Variants in TMEM108 observed in about 807,000 individuals in gnomAD.
The protein encoded by TMEM108 is transmembrane protein 108, also known as cancer/testis antigen 124.
TMEM108 carries 12 observed loss-of-function variants against 35.1 expected under a neutral mutation model. The ratio of observed to expected loss-of-function variants is 0.34; its 90% CI spans 0.22 to 0.55. The LOEUF is 0.55. Among genes scored for constraint, TMEM108 ranks in the 20% least tolerant of loss-of-function variants. The pLI, the probability that TMEM108 is intolerant of heterozygous loss-of-function variation, is 0.89. For missense variants in TMEM108, 680 were observed against 753.3 expected, an observed-to-expected ratio of 0.90 and a Z score of 1.14; for synonymous variants, 287 against 308.6, an observed-to-expected ratio of 0.93 and a Z score of 0.73.
At chr3:133,258,143 G>A (rs1576417035) in intron 3 of TMEM108, among the ~76,000 whole-genome samples, 1 of 152,124 alleles carries the variant, frequency 6.6e-6, no homozygotes, top group East Asian at 1.9e-4. Flanking sequence ...TGGGATTAAT[G>A]CCCTTATAAA....
chr3:133,107,455 G>GGCGTGT (rs1164775004), intron 2 of TMEM108, among the ~76,000 whole-genome samples: 1 of 143,502 alleles, frequency 7.0e-6, no homozygotes, highest in African/African-American at 2.6e-5. Flanking sequence ...AAGTGTATGT[G>GGCGTGT]GTGTGTGTGT....
At chr3:133,074,711 A>G (rs1576304894) in intron 2 of TMEM108, among the ~76,000 whole-genome samples, 1 of 151,582 alleles carries the variant, frequency 6.6e-6, no homozygotes, top group Non-Finnish European at 1.5e-5. Context: ...CTAGTCTCGA[A>G]CTCCTGACCT....
At chr3:133,389,390 C>G in intron 4 of TMEM108, 2 of 985,470 alleles carry the variant, frequency 2.0e-6, no homozygotes, top group Non-Finnish European at 2.4e-6. Flanking sequence ...CTGGTAAGAG[C>G]ATAGACTGGC....
chr3:133,303,645 A>AACAC (rs140259984), intron 3 of TMEM108, among the ~76,000 whole-genome samples: 20 of 151,274 alleles, frequency 1.3e-4, no homozygotes, highest in African/African-American at 3.4e-4. Flanking sequence ...CCTAGTCATA[A>AACAC]ACACACACAC....
At chr3:133,072,699 G>T (rs1943690692) in intron 2 of TMEM108, among the ~76,000 whole-genome samples, 2 of 152,218 alleles carry the variant, frequency 1.3e-5, no homozygotes, top group South Asian at 4.1e-4. Flanking sequence ...TTTAAAAAAT[G>T]TACAATTCAG....
intron 3 of TMEM108, among the ~76,000 whole-genome samples, chr3:133,265,673 G>A (rs747182202): frequency 2.6e-5 from 4 of 152,126 alleles, no homozygotes; most frequent in African/African-American, 9.7e-5. Context: ...GGGCTTTTGC[G>A]GAAAGCCTGA....
chr3:133,082,375 C>T (rs1437269360), intron 2 of TMEM108, among the ~76,000 whole-genome samples: 3 of 152,198 alleles, frequency 2.0e-5, no homozygotes, highest in African/African-American at 7.2e-5. Flanking sequence ...GAACTCACCC[C>T]AGTTTCTTGA....
At chr3:133,098,560 A>G (rs1944046231) in intron 2 of TMEM108, among the ~76,000 whole-genome samples, 1 of 152,222 alleles carries the variant, frequency 6.6e-6, no homozygotes, top group East Asian at 1.9e-4. Context: ...CTCATCTGAG[A>G]CAAGGCAAGT....
chr3:133,190,833 C>T (rs747368713), intron 2 of TMEM108, among the ~76,000 whole-genome samples: 15 of 152,114 alleles, frequency 9.9e-5, no homozygotes, highest in African/African-American at 2.4e-4. Context: ...TTTTCTTCCT[C>T]GCTCTTATGA....
intron 3 of TMEM108, among the ~76,000 whole-genome samples, chr3:133,276,599 T>G (rs554105176): frequency 6.6e-6 from 1 of 152,342 alleles, no homozygotes; most frequent in Non-Finnish European, 1.5e-5. Context: ...TGGGGGTTTC[T>G]TAATCTCTAT....
At position 133,380,119 on chromosome 3, in the gene TMEM108, G is replaced by A; in HGVS notation, c.408G>A (p.Gln136=). 1 of 1,613,942 alleles carries A rather than the reference G, an allele frequency of 6.2e-7. No homozygotes were observed. The highest frequency in any genetic ancestry group is 8.5e-7 in the Non-Finnish European group (1 of 1,179,978). The part of the protein sequence containing the change: ...SSKPEGRPRG[Q]AAPTILLTKP... ...AGCCAGAGGGCCGCCCTCGAGGGCA[G>A]GCTGCCCCCACCATCCTGCTGACAA... Residue 136 remains glutamine, a synonymous_variant, in exon 4 of 6, where the codon CAG becomes CAA. Transcript: ENST00000321871. The surrounding 1 kb of genome is among the most constrained non-coding windows in gnomAD (Gnocchi z 5.3).
chr3:133,206,094 A>G (rs115580783), intron 2 of TMEM108, among the ~76,000 whole-genome samples: 2,103 of 152,246 alleles, frequency 0.014, 55 homozygotes, highest in African/African-American at 0.048. Flanking sequence ...CAATTCAGCT[A>G]TTGATACTTC....
In TMEM108 at chr3:133,339,670, G is replaced by A. The variant is rs143142610; in HGVS notation, c.41-40082G>A. On this transcript the variant is annotated intron_variant, in intron 3 of 5. Transcript: ENST00000321871. ...ATACATATTCCTTTCCTCAACATAT[G>A]GATCATTCTAAAGAATAGACCATGT... Among the ~76,000 whole-genome samples, 128 of 151,812 alleles carry A rather than the reference G, an allele frequency of 8.4e-4. 1 individual carries two copies. The highest frequency in any genetic ancestry group is 2.9e-3 in the African/African-American group (122 of 41,488).
At chr3:133,394,615 C>T (rs989185059) in intron 5 of TMEM108, among the ~76,000 whole-genome samples, 16 of 152,230 alleles carry the variant, frequency 1.1e-4, no homozygotes, top group Admixed American at 8.5e-4. Context: ...AGCTCAGCCT[C>T]CACAGTTAAA....
At chr3:133,229,405 C>T in intron 3 of TMEM108, 54 bp downstream of exon 3, 1 of 1,572,004 alleles carries the variant, frequency 6.4e-7, no homozygotes, top group Non-Finnish European at 8.7e-7. Context: ...TTATTATTTG[C>T]TGGGTACCCA....
chr3:133,075,443 C>T (rs1943727626), intron 2 of TMEM108, among the ~76,000 whole-genome samples: 1 of 152,032 alleles, frequency 6.6e-6, no homozygotes, highest in Admixed American at 6.5e-5. Flanking sequence ...GATTTTTTGG[C>T]CATTTCTTTG....
At chr3:133,187,420 T>A (rs577503862) in intron 2 of TMEM108, among the ~76,000 whole-genome samples, 1 of 152,248 alleles carries the variant, frequency 6.6e-6, no homozygotes, top group African/African-American at 2.4e-5. Context: ...ACTCTCAGCC[T>A]GAGTCTCCAA....
At chr3:133,178,198 T>C (rs1945268392) in intron 2 of TMEM108, among the ~76,000 whole-genome samples, 1 of 152,184 alleles carries the variant, frequency 6.6e-6, no homozygotes, top group African/African-American at 2.4e-5. Flanking sequence ...TCCATACTCA[T>C]GGATAGGAAG....
chr3:133,339,674 C>A (rs767610567), intron 3 of TMEM108, among the ~76,000 whole-genome samples: 4 of 151,898 alleles, frequency 2.6e-5, no homozygotes, highest in Non-Finnish European at 4.4e-5. Flanking sequence ...ACATATGGAT[C>A]ATTCTAAAGA....
Sources: allele counts gnomAD v4.1 joint callset (sites outside exome capture counted in the v4.1 genomes callset), GRCh38; gene constraint gnomAD v4.1.1; non-coding constraint Gnocchi (gnomAD v3.1); transcripts MANE v1.5; gene names NCBI Gene and HGNC (gene_info 2026-07-23, HGNC 2026-07-21).